Variants in IRS1 observed in about 807,000 individuals in gnomAD.
IRS1 encodes the protein insulin receptor substrate 1.
Under a neutral mutation model 65.6 loss-of-function variants are expected in IRS1, and 34 were observed. That is an observed-to-expected ratio of 0.52 (90% CI 0.39 to 0.69). The LOEUF (loss-of-function observed/expected upper bound fraction) is 0.69, where lower values mean the gene tolerates loss of function less well. Ranked by LOEUF, IRS1 falls within the 30% of genes least tolerant of loss-of-function variation. The pLI is 0.00. For synonymous variants in IRS1, 699 were observed against 683.5 expected (o/e 1.02, Z -0.35); for missense variants, 1,641 against 1,720.2 (o/e 0.95, Z 0.81).
chr2:226,747,812 C>T (rs1318499642), intron 1 of IRS1, among the ~76,000 whole-genome samples: 1 of 152,098 alleles, frequency 6.6e-6, no homozygotes, highest in Non-Finnish European at 1.5e-5. Context: ...GGTGAAAAAA[C>T]TTTGCCCCAC....
At chr2:226,783,075 C>T (rs1574657756) in intron 1 of IRS1, among the ~76,000 whole-genome samples, 1 of 152,164 alleles carries the variant, frequency 6.6e-6, no homozygotes, top group African/African-American at 2.4e-5. Flanking sequence ...ATATTTTCAC[C>T]ATCCACCAAT....
intron 1 of IRS1, among the ~76,000 whole-genome samples, chr2:226,749,825 A>G (rs1351871683): frequency 6.6e-6 from 1 of 152,190 alleles, no homozygotes; most frequent in Non-Finnish European, 1.5e-5. Flanking sequence ...TCATTTCTAC[A>G]GGTGGCATCT....
chr2:226,742,384 T>C (rs1461955916), intron 1 of IRS1, among the ~76,000 whole-genome samples: 1 of 152,200 alleles, frequency 6.6e-6, no homozygotes, highest in Non-Finnish European at 1.5e-5. Flanking sequence ...CAACTTCTTT[T>C]AAAACAGGCC....
At chr2:226,780,830 G>C (rs1215676220) in intron 1 of IRS1, among the ~76,000 whole-genome samples, 4 of 152,090 alleles carry the variant, frequency 2.6e-5, no homozygotes, top group Admixed American at 6.6e-5. Flanking sequence ...CAAATGAAAT[G>C]GTTTGAGATA....
At chr2:226,737,292 A>G (rs1174367420) in intron 1 of IRS1, among the ~76,000 whole-genome samples, 1 of 151,884 alleles carries the variant, frequency 6.6e-6, no homozygotes, top group African/African-American at 2.4e-5. Flanking sequence ...TTATGGCTGC[A>G]TAGTATTCCA....
At chr2:226,766,429 G>T (rs1939050272) in intron 1 of IRS1, among the ~76,000 whole-genome samples, 1 of 151,428 alleles carries the variant, frequency 6.6e-6, no homozygotes, top group Non-Finnish European at 1.5e-5. Context: ...CTCCCAAAGT[G>T]CTGGGATGAC....
In IRS1 at chr2:226,799,541, G is replaced by A. The variant is rs1293485171; in HGVS notation, c.-803C>T. 9.3e-7 allele frequency: 1 copy of A among 1,072,608 alleles called. No individual in the cohort carries two copies. The highest frequency in any genetic ancestry group is 1.1e-6 in the Non-Finnish European group (1 of 871,904). The allele number at this position is 1,072,608 out of a possible 1,614,324, so 66.4% of individuals were successfully genotyped here. ...AGACTCATCCCTGCCCCTCGCTCCAGGCGGCTGGGGAGGAGGGGAGGGGAC... is the reference window on the plus strand; with the variant it reads ...AGACTCATCCCTGCCCCTCGCTCCAAGCGGCTGGGGAGGAGGGGAGGGGAC... On this transcript the variant is annotated 5_prime_UTR_variant, in exon 1 of 2. Transcript: ENST00000305123. This position sits in a 1 kb window ranked among gnomAD's most constrained non-coding sequence, Gnocchi z 6.1.
chr2:226,762,357 CAAAA>C (rs67318812), intron 1 of IRS1, among the ~76,000 whole-genome samples: 7 of 119,826 alleles, frequency 5.8e-5, no homozygotes, highest in Non-Finnish European at 8.3e-5. Flanking sequence ...CATAAAAATG[CAAAA>C]AAAAAAAAAA....
intron 1 of IRS1, among the ~76,000 whole-genome samples, chr2:226,793,895 A>C (rs1377197790): frequency 2.6e-5 from 4 of 152,134 alleles, no homozygotes; most frequent in Non-Finnish European, 2.9e-5. Context: ...TCCTATTACA[A>C]ATGTTTTTCA....
Position 226,797,554 on chromosome 2 carries a change from A to G in IRS1, c.1185T>C (p.Ser395=). 3.1e-6 allele frequency: 5 copies of G among 1,604,760 alleles called. No homozygotes were observed. The highest frequency in any genetic ancestry group is 4.2e-6 in the Non-Finnish European group (5 of 1,176,748). ...AGGTGGAGCCATGGCCACTGGTGCT[A>G]CTGGACGACAGACTGACCGGGCTGG... is the stretch of plus-strand genomic sequence containing the variant. The part of the protein sequence containing the change: ...SATSPVSLSS[S]STSGHGSTSD... The change falls in exon 1 of 2, where the codon AGT becomes AGC. Residue 395 remains serine, a synonymous_variant. Coordinates refer to ENST00000305123, the MANE Select transcript of IRS1 (RefSeq NM_005544.3). The surrounding 1 kb of genome is among the most constrained non-coding windows in gnomAD (Gnocchi z 8.1).
intron 1 of IRS1, among the ~76,000 whole-genome samples, chr2:226,792,828 A>G (rs1939637282): frequency 6.6e-6 from 1 of 151,822 alleles, no homozygotes; most frequent in African/African-American, 2.4e-5. Context: ...TGTTTCAGAT[A>G]GCTATAGAAT....
At chr2:226,759,175 C>T (rs1048885493) in intron 1 of IRS1, among the ~76,000 whole-genome samples, 5 of 152,116 alleles carry the variant, frequency 3.3e-5, no homozygotes, top group African/African-American at 1.2e-4. Flanking sequence ...TCATTAGGCA[C>T]CCATGTGGTT....
In IRS1 at chr2:226,796,618, G is replaced by T. The variant is rs925143977; in HGVS notation, c.2121C>A (p.His707Gln). 1.2e-6 allele frequency: 2 copies of T among 1,614,002 alleles called. No homozygotes were observed. The highest frequency in any genetic ancestry group is 1.7e-6 in the Non-Finnish European group (2 of 1,179,928). Residue 707 changes from histidine (H) to glutamine (Q), a missense_variant, in exon 1 of 2, where the codon CAC becomes CAA. Around this residue, in one of 3 missense-constraint regions of IRS1, gnomAD observed 1,324 missense variants for 1,361.0 expected, o/e 0.97. Transcript: ENST00000305123. ...KLWTNGVGGH[H>Q]SHVLPHPKPP... Reference sequence around the variant, plus strand: ...GTTTGGGGTGAGGCAAGACATGAGAGTGGTGGCCCCCTACCCCGTTTGTCC... The same window carrying T: ...GTTTGGGGTGAGGCAAGACATGAGATTGGTGGCCCCCTACCCCGTTTGTCC...
At position 226,795,250 on chromosome 2, in the gene IRS1, T is replaced by G. The variant is rs143317854; in HGVS notation, c.3489A>C (p.Pro1163=). 1.0e-3 allele frequency: 1,669 copies of G among 1,613,876 alleles called. 16 individuals carry two copies. Among genetic ancestry groups the G allele is most frequent in the Admixed American group, 8.3e-4 (50 of 60,020 alleles). Residue 1163 remains proline (P), a synonymous_variant, in exon 1 of 2, where the codon CCA becomes CCC. Transcript: ENST00000305123. ...CCCCAGCAGCCCCACACAGTTTGGC[T>G]GGCTCCTTGGGGGCTCCCCCAAGCT... ...PGELGGAPKE[P]AKLCGAAGGL...
rs1939769760 is a variant in IRS1 at position 226,797,679 on chromosome 2, T to A, written c.1060A>T (p.Thr354Ser). 6.3e-7 allele frequency: 1 copy of A among 1,596,788 alleles called. No individual in the cohort carries two copies. Among genetic ancestry groups the A allele is most frequent in the Non-Finnish European group, 8.5e-7 (1 of 1,178,566 alleles). Residue 354 changes from threonine to serine, a missense_variant, in exon 1 of 2, where the codon ACC becomes TCC. Physicochemically the swap from Thr to Ser is moderately conservative, Grantham distance 58. Transcript: ENST00000305123. The surrounding 1 kb of genome is among the most constrained non-coding windows in gnomAD (Gnocchi z 8.1). ...CTGCCCCGATGCCGGTGGGCGTGGG[T>A]TCTGTTGGTGCTGGGACTCACAGGG... ...GSPVSPSTNR[T>S]HAHRHRGSAR...
rs780609564 is a variant in IRS1, at chr2:226,795,735, C to T, written c.3004G>A (p.Val1002Met). The change falls in exon 1 of 2, where the codon GTG becomes ATG. Residue 1002 changes from valine to methionine, a missense_variant. Around this residue, in one of 3 missense-constraint regions of IRS1, gnomAD observed 1,324 missense variants for 1,361.0 expected, o/e 0.97. Coordinates refer to ENST00000305123, the MANE Select transcript of IRS1 (RefSeq NM_005544.3). ...MQMSCPRQSYVDTSPAAPVSY... is the reference protein window; with the variant it reads ...MQMSCPRQSYMDTSPAAPVSY... ...ACAGGGGCAGCTGGCGAGGTGTCCA[C>T]GTAGCTCTGACGGGGACAACTCATC... The T allele has an allele frequency of 9.3e-6, 15 of 1,613,304 alleles. No individual in the cohort carries two copies. In the East Asian group the frequency reaches 1.1e-4, roughly 12 times the overall value.
intron 1 of IRS1, among the ~76,000 whole-genome samples, chr2:226,740,052 C>T (rs557050538): frequency 6.6e-6 from 1 of 152,272 alleles, no homozygotes; most frequent in African/African-American, 2.4e-5. Flanking sequence ...TTTACAAATG[C>T]AAAAATTCAT....
intron 1 of IRS1, among the ~76,000 whole-genome samples, chr2:226,754,247 C>T (rs1574645365): frequency 6.6e-6 from 1 of 152,292 alleles, no homozygotes; most frequent in African/African-American, 2.4e-5. Flanking sequence ...TATCCTCCTC[C>T]CTCCCAGTAT....
At chr2:226,751,720 C>A (rs1469937431) in intron 1 of IRS1, among the ~76,000 whole-genome samples, 1 of 152,036 alleles carries the variant, frequency 6.6e-6, no homozygotes, top group East Asian at 1.9e-4. Context: ...AAAATGAATG[C>A]GGGTGACTCT....
Sources: allele counts gnomAD v4.1 joint callset (sites outside exome capture counted in the v4.1 genomes callset), GRCh38; gene constraint gnomAD v4.1.1; regional missense constraint gnomAD v4.1.1; non-coding constraint Gnocchi (gnomAD v3.1); transcripts MANE v1.5; gene names NCBI Gene and HGNC (gene_info 2026-07-23, HGNC 2026-07-21).